The following TBC1D22A variants were observed in gnomAD, a reference collection of about 807,000 sequenced individuals.
TBC1D22A encodes the protein putative GTPase activator.
TBC1D22A carries 38 observed loss-of-function variants against 60.2 expected under a neutral mutation model. That is an observed-to-expected ratio of 0.63 (90% confidence interval 0.49 to 0.83). The LOEUF (loss-of-function observed/expected upper bound fraction) is 0.83. Among genes scored for constraint, TBC1D22A ranks in the 40% least tolerant of loss-of-function variants. The probability of loss-of-function intolerance (pLI) is 0.00; values close to 1 mark genes in which losing one functional copy is unlikely to be tolerated. For synonymous variants in TBC1D22A, 302 were observed against 281.7 expected (o/e 1.07, Z -0.72); for missense variants, 628 against 701.0 (o/e 0.90, Z 1.18).
chr22:47,043,642 G>A (rs2062924437), intron 11 of TBC1D22A, among the ~76,000 whole-genome samples: 1 of 152,126 alleles, frequency 6.6e-6, no homozygotes, highest in Non-Finnish European at 1.5e-5. Context: ...GGGGAGACAT[G>A]TGAGCAGGGT....
intron 4 of TBC1D22A, among the ~76,000 whole-genome samples, chr22:46,798,242 C>T (rs141060257): frequency 6.6e-6 from 1 of 152,376 alleles, no homozygotes; most frequent in African/African-American, 2.4e-5. Flanking sequence ...CCCTTCGAGG[C>T]TGGCCAGGTG....
At chr22:47,127,921 G>A (rs2066523085) in intron 12 of TBC1D22A, among the ~76,000 whole-genome samples, 1 of 142,054 alleles carries the variant, frequency 7.0e-6, no homozygotes, top group Non-Finnish European at 1.5e-5. Context: ...AGGGTTTCCG[G>A]CCTCTCCCAC....
intron 8 of TBC1D22A, among the ~76,000 whole-genome samples, chr22:46,929,699 GGT>G (rs3084314): frequency 6.6e-6 from 1 of 151,208 alleles, no homozygotes; most frequent in Non-Finnish European, 1.5e-5. Flanking sequence ...CAAAGACAAG[GGT>G]GTGTGTGTGT....
chr22:47,014,688 C>T lies in TBC1D22A; in HGVS notation c.1201+16979C>T, dbSNP rs1310807947. Among the ~76,000 whole-genome samples, 6 of 152,162 alleles carry T rather than the reference C, an allele frequency of 3.9e-5. 1 individual carries two copies. In the South Asian group the frequency reaches 6.2e-4, roughly 16 times the overall value. Reference sequence around the variant, plus strand: ...TGAGAGGGGACTCTTGTCCGAGTCACGCAGGTGAAACTTGGAGTCAGGATT... The same window carrying T: ...TGAGAGGGGACTCTTGTCCGAGTCATGCAGGTGAAACTTGGAGTCAGGATT... On this transcript the variant is annotated intron_variant, in intron 10 of 12. Transcript: ENST00000337137.
chr22:46,848,188 C>A (rs1569126056), intron 4 of TBC1D22A, among the ~76,000 whole-genome samples: 2 of 152,248 alleles, frequency 1.3e-5, no homozygotes, highest in African/African-American at 2.4e-5. Context: ...CTGCCTGTAA[C>A]TTTCCCCACT....
chr22:47,144,051 C>T (rs1022006042), intron 12 of TBC1D22A, among the ~76,000 whole-genome samples: 28 of 152,226 alleles, frequency 1.8e-4, no homozygotes, highest in Admixed American at 6.5e-5. Context: ...ACCCCTGGTT[C>T]AGCCCGATGT....
intron 10 of TBC1D22A, among the ~76,000 whole-genome samples, chr22:47,010,729 C>T (rs1477115799): frequency 6.6e-6 from 1 of 152,146 alleles, no homozygotes; most frequent in African/African-American, 2.4e-5. Context: ...GATGGATGTC[C>T]TGAGTTTCTT....
intron 8 of TBC1D22A, among the ~76,000 whole-genome samples, chr22:46,950,422 G>A (rs963951907): frequency 1.3e-5 from 2 of 152,128 alleles, no homozygotes; most frequent in East Asian, 1.9e-4. Flanking sequence ...AAAACCCCAC[G>A]GGTCTTTACG....
At chr22:46,940,730 C>T (rs1437785220) in intron 8 of TBC1D22A, among the ~76,000 whole-genome samples, 2 of 132,416 alleles carry the variant, frequency 1.5e-5, no homozygotes, top group Non-Finnish European at 3.2e-5. Context: ...ACACACAGTC[C>T]ACCCTTGAAC....
chr22:46,893,651 A>G (rs2068520400), intron 6 of TBC1D22A, among the ~76,000 whole-genome samples: 1 of 152,168 alleles, frequency 6.6e-6, no homozygotes, highest in South Asian at 2.1e-4. Context: ...GGCCGCCAGG[A>G]CACCCTGATG....
chr22:46,984,433 T>C (rs1460089950), intron 9 of TBC1D22A, among the ~76,000 whole-genome samples: 1 of 125,600 alleles, frequency 8.0e-6, no homozygotes, highest in African/African-American at 2.9e-5. Flanking sequence ...GATGAGGCCC[T>C]CTCAGGCTTT....
chr22:46,995,513 T>TTGTGTG (rs560356769), intron 9 of TBC1D22A, among the ~76,000 whole-genome samples: 253 of 151,200 alleles, frequency 1.7e-3, no homozygotes, highest in African/African-American at 5.8e-3. Flanking sequence ...TGCACGCACT[T>TTGTGTG]TGTGTGTGTG....
chr22:47,038,728 C>CT (rs2062738341), intron 11 of TBC1D22A, among the ~76,000 whole-genome samples: 1 of 152,198 alleles, frequency 6.6e-6, no homozygotes, highest in Non-Finnish European at 1.5e-5. Flanking sequence ...CTTTGCGCCG[C>CT]TTGTCTGGTC....
intron 12 of TBC1D22A, among the ~76,000 whole-genome samples, chr22:47,114,397 A>T (rs2065956820): frequency 6.6e-6 from 1 of 151,918 alleles, no homozygotes; most frequent in African/African-American, 2.4e-5. Context: ...GAGGAAGAGG[A>T]AGTTGGTTCT....
chr22:47,007,227 T>G (rs1375758735), intron 10 of TBC1D22A, among the ~76,000 whole-genome samples: 1 of 152,202 alleles, frequency 6.6e-6, no homozygotes, highest in Admixed American at 6.5e-5. Flanking sequence ...GGGGCCATCA[T>G]GAGTACTTCT....
At chr22:47,136,845 G>A (rs924781032) in intron 12 of TBC1D22A, among the ~76,000 whole-genome samples, 11 of 152,104 alleles carry the variant, frequency 7.2e-5, no homozygotes, top group Non-Finnish European at 1.3e-4. Context: ...CTGTTGCATC[G>A]GTAGGGTGGT....
At chr22:47,044,735 G>A (rs1191700210) in intron 11 of TBC1D22A, among the ~76,000 whole-genome samples, 1 of 152,250 alleles carries the variant, frequency 6.6e-6, no homozygotes, top group Non-Finnish European at 1.5e-5. Flanking sequence ...CTACTTTGCA[G>A]GGAGGAGCTG....
chr22:46,902,117 G>T (rs2069040153), intron 7 of TBC1D22A, among the ~76,000 whole-genome samples: 1 of 152,220 alleles, frequency 6.6e-6, no homozygotes, highest in Non-Finnish European at 1.5e-5. Flanking sequence ...CTTAGTAGGG[G>T]ACCTCAAGCC....
chr22:47,131,449 G>C (rs2066675300), intron 12 of TBC1D22A, among the ~76,000 whole-genome samples: 1 of 152,234 alleles, frequency 6.6e-6, no homozygotes, highest in East Asian at 1.9e-4. Context: ...TGACGCTTCT[G>C]TGGGCAGCAG....
Sources: allele counts gnomAD v4.1 joint callset (sites outside exome capture counted in the v4.1 genomes callset), GRCh38; gene constraint gnomAD v4.1.1; transcripts MANE v1.5; gene names NCBI Gene and HGNC (gene_info 2026-07-23, HGNC 2026-07-21).